LRRC37A3: variants seen among roughly 807,000 people sequenced by gnomAD.
The protein encoded by LRRC37A3 is leucine-rich repeat-containing protein 37A3.
In LRRC37A3, 25 loss-of-function variants were observed where a neutral mutation model predicts 106.2. The ratio of observed to expected loss-of-function variants is 0.24; its 90% CI spans 0.17 to 0.33. LRRC37A3 has a LOEUF of 0.33. Ranked by LOEUF, LRRC37A3 falls within the 10% of genes least tolerant of loss-of-function variation. The pLI is 1.00. For missense variants in LRRC37A3, 712 were observed against 1,644.9 expected (o/e 0.43, Z 9.81); for synonymous variants, 305 against 635.8 (o/e 0.48, Z 7.83).
intron 8 of LRRC37A3, among the ~76,000 whole-genome samples, chr17:64,869,477 T>G (rs1973229773): frequency 6.6e-6 from 1 of 151,674 alleles, no homozygotes; most frequent in Non-Finnish European, 1.5e-5. Context: ...TAGGAAGCCC[T>G]GACTGCGGAG....
intron 8 of LRRC37A3, among the ~76,000 whole-genome samples, chr17:64,878,727 A>G (rs936811950): frequency 3.3e-5 from 5 of 152,208 alleles, no homozygotes; most frequent in African/African-American, 4.8e-5. Context: ...AACATTGCAG[A>G]TGGAAGTGTA....
At chr17:64,871,450 G>A (rs1278142242) in intron 8 of LRRC37A3, 1 of 151,560 alleles carries the variant, frequency 6.6e-6, no homozygotes, top group Non-Finnish European at 1.5e-5. Context: ...TGATTAAATA[G>A]TTAATTAGTC....
intron 8 of LRRC37A3, among the ~76,000 whole-genome samples, chr17:64,872,955 T>C (rs543279690): frequency 6.6e-6 from 1 of 152,268 alleles, no homozygotes; most frequent in South Asian, 2.1e-4. Context: ...CAGAGCCCCT[T>C]GGCAAAAACT....
At chr17:64,909,111 G>A (rs1340491340) in intron 2 of LRRC37A3, among the ~76,000 whole-genome samples, 1 of 152,156 alleles carries the variant, frequency 6.6e-6, no homozygotes, top group African/African-American at 2.4e-5. Context: ...AGGTTGTGCT[G>A]TTTGGGGAAC....
intron 1 of LRRC37A3, among the ~76,000 whole-genome samples, 185 bp from the exon 2 acceptor site, chr17:64,919,055 C>A (rs945291556): frequency 2.6e-5 from 4 of 151,926 alleles, no homozygotes; most frequent in East Asian, 1.9e-4. Context: ...CTACTGCTGC[C>A]CCCCCTGGGC....
intron 10 of LRRC37A3, among the ~76,000 whole-genome samples, chr17:64,866,312 G>C (rs1394816473): frequency 6.6e-6 from 1 of 151,944 alleles, no homozygotes; most frequent in African/African-American, 2.4e-5. Context: ...GGCTAGAGCA[G>C]TAAAAGAGAT....
intron 11 of LRRC37A3, among the ~76,000 whole-genome samples, chr17:64,862,148 T>C (rs1439372303): frequency 6.6e-6 from 1 of 152,148 alleles, no homozygotes; most frequent in Non-Finnish European, 1.5e-5. Flanking sequence ...AACACTGACT[T>C]TATGTAACCA....
chr17:64,859,997 T>C lies in LRRC37A3; in HGVS notation c.4149A>G (p.Ile1383Met). ...TTGTGTCTTTTGTATTATTGTTTTC[T>C]ATAAAATGTTCTGAAGGAGCAGATA... ...LEVSAPSEHF[I>M]ENNNTKDTTA... The change falls in exon 12 of 15, where the codon ATA (isoleucine) becomes ATG (methionine). Residue 1383 changes from isoleucine to methionine, a missense_variant. Ile to Met is a conservative substitution (Grantham distance 10, BLOSUM62 1). Coordinates refer to ENST00000584306, the MANE Select transcript of LRRC37A3 (RefSeq NM_199340.5). 6.2e-7 allele frequency: 1 copy of C among 1,613,800 alleles called. No individual in the cohort carries two copies. The highest frequency in any genetic ancestry group is 8.5e-7 in the Non-Finnish European group (1 of 1,179,874).
chr17:64,873,064 A>G (rs1419527658), intron 8 of LRRC37A3, among the ~76,000 whole-genome samples: 1 of 152,088 alleles, frequency 6.6e-6, no homozygotes, highest in Non-Finnish European at 1.5e-5. Flanking sequence ...AACACATGAC[A>G]TATAATGCGA....
intron 6 of LRRC37A3, among the ~76,000 whole-genome samples, chr17:64,888,466 T>C (rs1487804772): frequency 6.7e-6 from 1 of 149,540 alleles, no homozygotes; most frequent in Non-Finnish European, 1.5e-5. Context: ...CTCATCTGCA[T>C]TGCCCACCAT....
rs1453848268 is a variant in LRRC37A3, at chr17:64,860,354, G to C, written c.3792C>G (p.Ala1264=). ...GAPSTSSPAK[A]LPQVRDRWKD... ...TCCATCTGTCTCTCACCTGTGGTAG[G>C]GCTTTTGCAGGGCTGGAGGTAGAAG... The change falls in exon 12 of 15, where the codon GCC becomes GCG. Residue 1264 remains alanine, a synonymous_variant. Coordinates refer to ENST00000584306, the MANE Select transcript of LRRC37A3 (RefSeq NM_199340.5). 1.9e-6 allele frequency: 3 copies of C among 1,613,834 alleles called. No homozygotes were observed. The African/African-American group carries it at 4.0e-5, about 22-fold the overall frequency.
intron 8 of LRRC37A3, among the ~76,000 whole-genome samples, chr17:64,885,682 A>AT (rs1218512436): frequency 2.8e-4 from 1 of 3,626 alleles, no homozygotes. Context: ...CCACGCCCAG[A>AT]TTTTTTTTTT....
chr17:64,917,846 T>C (rs1974741477), intron 2 of LRRC37A3, among the ~76,000 whole-genome samples: 1 of 145,564 alleles, frequency 6.9e-6, no homozygotes, highest in Non-Finnish European at 1.5e-5. Flanking sequence ...CGGGCGCCTG[T>C]AATCCCAGCC....
At chr17:64,865,333 G>A (rs1567765711) in intron 10 of LRRC37A3, among the ~76,000 whole-genome samples, 1 of 152,056 alleles carries the variant, frequency 6.6e-6, no homozygotes, top group Non-Finnish European at 1.5e-5. Flanking sequence ...TTGTAGAAAT[G>A]GGGTTTCACC....
intron 13 of LRRC37A3, among the ~76,000 whole-genome samples, chr17:64,856,184 C>A (rs543523475): frequency 6.6e-6 from 1 of 152,156 alleles, no homozygotes; most frequent in East Asian, 1.9e-4. Flanking sequence ...ACGCATCCCC[C>A]CTATACTTTA....
intron 10 of LRRC37A3, among the ~76,000 whole-genome samples, chr17:64,865,382 A>AAC (rs1973029568): frequency 6.6e-6 from 1 of 152,198 alleles, no homozygotes; most frequent in Non-Finnish European, 1.5e-5. Flanking sequence ...GGGCACAAGC[A>AAC]ACCCTCTCTC....
At chr17:64,866,604 ATATATATATATATATATATATATATTTTT>A (rs1973091043) in intron 10 of LRRC37A3, among the ~76,000 whole-genome samples, 3 of 17,452 alleles carry the variant, frequency 1.7e-4, no homozygotes, top group African/African-American at 7.6e-4. Context: ...ATATATATAT[ATATATATATATATATATATATATATTTTT>A]TTTTTTTTTT....
rs562564608 is a variant in LRRC37A3, at chr17:64,904,300, C to G, written c.-495-5841G>C. On this transcript the variant is annotated intron_variant, in intron 2 of 14. Transcript: ENST00000584306. ...TTTGAGACCAGGCAGGACAACACAG[C>G]AAGACCCCATCTCCAGAAAAAATAA... Among the ~76,000 whole-genome samples, 43 of 152,390 alleles carry G rather than the reference C, an allele frequency of 2.8e-4. No homozygotes were observed. The East Asian group carries it at 8.3e-3, about 29-fold the overall frequency.
At chr17:64,880,439 G>A (rs959268893) in intron 8 of LRRC37A3, among the ~76,000 whole-genome samples, 34 of 152,316 alleles carry the variant, frequency 2.2e-4, no homozygotes, top group Middle Eastern at 3.4e-3. Flanking sequence ...ATGAGCCAGC[G>A]CGCCCAGCCT....
Sources: gnomAD v4.1 joint callset for allele counts (sites outside exome capture counted in the v4.1 genomes callset) on GRCh38, gnomAD v4.1.1 for gene constraint, MANE v1.5 for transcripts, NCBI Gene and HGNC (gene_info 2026-07-23, HGNC 2026-07-21) for gene names.